NECAB1: variants seen among roughly 807,000 people sequenced by gnomAD.
NECAB1 encodes the protein N-terminal EF-hand calcium binding protein 1, also known as N-terminal EF-hand calcium-binding protein 1.
In NECAB1, 29 loss-of-function variants were observed where a neutral mutation model predicts 57.5. The observed-to-expected ratio is 0.50, with a 90% CI of 0.38 to 0.69. The LOEUF is 0.69. NECAB1 is among the 30% of genes least tolerant of loss of function. The probability of loss-of-function intolerance (pLI) is 0.00; values close to 1 mark genes in which losing one functional copy is unlikely to be tolerated. For synonymous variants in NECAB1, 142 were observed against 147.7 expected (o/e 0.96, Z 0.28); for missense variants, 372 against 413.8 (o/e 0.90, Z 0.88).
chr8:90,897,803 G>A (rs1259028991), intron 5 of NECAB1, among the ~76,000 whole-genome samples: 1 of 152,178 alleles, frequency 6.6e-6, no homozygotes, highest in Non-Finnish European at 1.5e-5. Flanking sequence ...GATAATGCTT[G>A]TGGCAAGTGT....
intron 3 of NECAB1, among the ~76,000 whole-genome samples, chr8:90,829,482 C>T (rs1812271020): frequency 6.6e-6 from 1 of 151,968 alleles, no homozygotes; most frequent in Non-Finnish European, 1.5e-5. Context: ...CTTTGGAGTT[C>T]CAGATTGTTA....
intron 1 of NECAB1, among the ~76,000 whole-genome samples, chr8:90,793,328 C>T (rs1586025535): frequency 6.6e-6 from 1 of 152,186 alleles, no homozygotes; most frequent in South Asian, 2.1e-4. Context: ...TGGCAGCCTT[C>T]ACCCTTTATC....
chr8:90,940,573 G>A (rs1282158895), intron 9 of NECAB1: 3 of 493,304 alleles, frequency 6.1e-6, no homozygotes, highest in African/African-American at 5.7e-5. Flanking sequence ...AGAACACGTT[G>A]TTTAGCTTCT....
intron 5 of NECAB1, among the ~76,000 whole-genome samples, chr8:90,897,734 G>A (rs2129999269): frequency 6.6e-6 from 1 of 152,280 alleles, no homozygotes; most frequent in South Asian, 2.1e-4. Context: ...CCAGTGGTCT[G>A]GGGAAAATGT....
At chr8:90,921,685 C>CA (rs1305311584) in intron 6 of NECAB1, among the ~76,000 whole-genome samples, 2 of 150,460 alleles carry the variant, frequency 1.3e-5, no homozygotes, top group Non-Finnish European at 3.0e-5. Context: ...AAAAAAAAAA[C>CA]AAAAAAACAA....
At chr8:90,806,711 T>C (rs992136136) in intron 2 of NECAB1, 1 of 152,256 alleles carries the variant, frequency 6.6e-6, no homozygotes, top group African/African-American at 2.4e-5. Flanking sequence ...TCAAATTCCC[T>C]GTGCCTCAGT....
intron 12 of NECAB1, among the ~76,000 whole-genome samples, chr8:90,952,172 T>C (rs1810934149): frequency 6.7e-6 from 1 of 149,888 alleles, no homozygotes; most frequent in Non-Finnish European, 1.5e-5. Flanking sequence ...GTGGATGTCA[T>C]GGAGAGGAGA....
chr8:90,855,762 T>C (rs1474296762), intron 3 of NECAB1, among the ~76,000 whole-genome samples: 1 of 152,168 alleles, frequency 6.6e-6, no homozygotes, highest in Non-Finnish European at 1.5e-5. Context: ...TTTTGGTGAA[T>C]CCATGGCTTA....
intron 5 of NECAB1, among the ~76,000 whole-genome samples, chr8:90,904,875 A>G (rs182030635): frequency 4.1e-4 from 63 of 152,310 alleles, no homozygotes; most frequent in African/African-American, 1.5e-3. Context: ...TAGAAAAATG[A>G]CTTATCTATA....
At chr8:90,865,776 A>T (rs889001013) in intron 3 of NECAB1, among the ~76,000 whole-genome samples, 2 of 152,154 alleles carry the variant, frequency 1.3e-5, no homozygotes, top group African/African-American at 4.8e-5. Context: ...TGACTGAAAC[A>T]ATTGGCCCCT....
At chr8:90,896,732 C>CGA (rs1809351353) in intron 5 of NECAB1, among the ~76,000 whole-genome samples, 1 of 152,164 alleles carries the variant, frequency 6.6e-6, no homozygotes, top group Non-Finnish European at 1.5e-5. Context: ...ATTATCTACT[C>CGA]CACCCTGACT....
chr8:90,794,707 T>C (rs1811632268), intron 1 of NECAB1, among the ~76,000 whole-genome samples: 1 of 152,178 alleles, frequency 6.6e-6, no homozygotes. Flanking sequence ...CCTTAGGCTG[T>C]TGTGAGTATG....
chr8:90,949,935 T>A, intron 11 of NECAB1, 51 bp downstream of exon 11: 2 of 1,099,458 alleles, frequency 1.8e-6, no homozygotes, highest in Non-Finnish European at 2.7e-6. Context: ...GGTGGCAATA[T>A]GCATGATGTA....
intron 10 of NECAB1, among the ~76,000 whole-genome samples, chr8:90,945,696 A>G (rs1810789942): frequency 6.6e-6 from 1 of 152,142 alleles, no homozygotes; most frequent in Non-Finnish European, 1.5e-5. Context: ...TTCCTCATTT[A>G]AAATCTTTAA....
chr8:90,890,820 T>C (rs1181134555), intron 5 of NECAB1, among the ~76,000 whole-genome samples: 1 of 152,186 alleles, frequency 6.6e-6, no homozygotes, highest in Non-Finnish European at 1.5e-5. Flanking sequence ...ATCTAAGTTT[T>C]GCAACACAAT....
At chr8:90,836,892 A>G (rs1812378240) in intron 3 of NECAB1, among the ~76,000 whole-genome samples, 1 of 152,208 alleles carries the variant, frequency 6.6e-6, no homozygotes, top group African/African-American at 2.4e-5. Context: ...CAAATATCTC[A>G]TGGAGGCTGA....
rs1036415185 is a variant in NECAB1, at chr8:90,837,349, C to A, written c.233+12524C>A. On this transcript the variant is annotated intron_variant, in intron 3 of 12. Transcript: ENST00000417640. ...TACTATGTTTTTTCCTATCTGATAA[C>A]CAAGAGGGCTACTAAATGACTAATG... 5.3e-5 allele frequency among the ~76,000 whole-genome samples: 8 copies of A among 152,276 alleles called. No individual in the cohort carries two copies. The East Asian group carries it at 1.4e-3, about 26-fold the overall frequency.
intron 2 of NECAB1, among the ~76,000 whole-genome samples, chr8:90,808,380 T>G (rs1204579080): frequency 6.6e-6 from 1 of 152,206 alleles, no homozygotes; most frequent in Admixed American, 6.5e-5. Flanking sequence ...CCCAGAGATA[T>G]GTAGCATAAG....
At chr8:90,869,689 A>G (rs1221079439) in intron 3 of NECAB1, among the ~76,000 whole-genome samples, 1 of 152,162 alleles carries the variant, frequency 6.6e-6, no homozygotes, top group Admixed American at 6.5e-5. Flanking sequence ...CCCCCATTGT[A>G]TCTTGGAAGT....
Sources: allele counts gnomAD v4.1 joint callset (sites outside exome capture counted in the v4.1 genomes callset), GRCh38; gene constraint gnomAD v4.1.1; transcripts MANE v1.5; gene names NCBI Gene and HGNC (gene_info 2026-07-23, HGNC 2026-07-21).